Variants in NCAM1 observed in about 807,000 individuals in gnomAD.
The protein encoded by NCAM1 is neural cell adhesion molecule 1.
In NCAM1, 14 loss-of-function variants were observed where a neutral mutation model predicts 109.8. The observed-to-expected ratio is 0.13, with a 90% CI of 0.08 to 0.20. The LOEUF (loss-of-function observed/expected upper bound fraction) is 0.20. Ranked by LOEUF, NCAM1 falls within the 10% of genes least tolerant of loss-of-function variation. NCAM1 has a pLI of 1.00. For synonymous variants in NCAM1, 418 were observed against 442.9 expected (o/e 0.94, Z 0.70); for missense variants, 774 against 1,109.9 (o/e 0.70, Z 4.30).
intron 15 of NCAM1, among the ~76,000 whole-genome samples, chr11:113,253,530 C>G (rs1437821869): frequency 6.6e-6 from 1 of 152,128 alleles, no homozygotes; most frequent in African/African-American, 2.4e-5. Context: ...TGGAATGAAA[C>G]TTGATCGAGG....
At chr11:113,215,440 T>C (rs1236564308) in intron 8 of NCAM1, among the ~76,000 whole-genome samples, 1 of 152,212 alleles carries the variant, frequency 6.6e-6, no homozygotes, top group African/African-American at 2.4e-5. Flanking sequence ...AATGGATTGC[T>C]TATTGATCAG....
chr11:113,179,513 C>T (rs1213052463), intron 1 of NCAM1, among the ~76,000 whole-genome samples: 2 of 152,222 alleles, frequency 1.3e-5, no homozygotes, highest in Non-Finnish European at 2.9e-5. Flanking sequence ...AAGCTGGCTG[C>T]TTCCAGAGGC....
chr11:113,179,332 T>C (rs1290252992), intron 1 of NCAM1, among the ~76,000 whole-genome samples: 1 of 152,268 alleles, frequency 6.6e-6, no homozygotes, highest in Non-Finnish European at 1.5e-5. Context: ...CCTTTTGCTA[T>C]GGAGCAAAAT....
At chr11:113,264,783 A>G (rs1946099769) in intron 17 of NCAM1, 8 of 985,454 alleles carry the variant, frequency 8.1e-6, no homozygotes, top group Non-Finnish European at 9.6e-6. Flanking sequence ...GCCTCAGCTG[A>G]AACAATGTCA....
intron 8 of NCAM1, among the ~76,000 whole-genome samples, chr11:113,215,132 G>A (rs1299450971): frequency 6.6e-6 from 1 of 152,072 alleles, no homozygotes; most frequent in East Asian, 1.9e-4. Flanking sequence ...AACCTTCCTG[G>A]CAAATTAAAA....
intron 1 of NCAM1, among the ~76,000 whole-genome samples, chr11:113,085,474 A>G (rs1451038986): frequency 1.3e-5 from 2 of 152,218 alleles, no homozygotes; most frequent in Non-Finnish European, 2.9e-5. Context: ...TATAGACAAC[A>G]TGATTGTTCT....
At chr11:112,972,241 C>T (rs1343277639) in intron 1 of NCAM1, among the ~76,000 whole-genome samples, 2 of 152,016 alleles carry the variant, frequency 1.3e-5, no homozygotes, top group African/African-American at 4.8e-5. Context: ...GGAGGAATCC[C>T]AGTTAAAGAG....
intron 1 of NCAM1, among the ~76,000 whole-genome samples, chr11:113,099,804 T>G (rs1183276322): frequency 6.6e-6 from 1 of 152,196 alleles, no homozygotes; most frequent in Non-Finnish European, 1.5e-5. Flanking sequence ...TTCTCCTGCC[T>G]CAGCCTCCCA....
chr11:113,047,730 G>A (rs1000122924), intron 1 of NCAM1, among the ~76,000 whole-genome samples: 1 of 152,176 alleles, frequency 6.6e-6, no homozygotes, highest in Non-Finnish European at 1.5e-5. Flanking sequence ...TATCATGGTG[G>A]AAGGGAAGCA....
intron 1 of NCAM1, among the ~76,000 whole-genome samples, chr11:113,117,912 G>A (rs1161789597): frequency 1.3e-5 from 2 of 151,904 alleles, no homozygotes; most frequent in Non-Finnish European, 2.9e-5. Flanking sequence ...ATTACAAACT[G>A]GCATCTCAGG....
rs1245117 is a variant in NCAM1 at position 113,104,840 on chromosome 11, T to G, written c.53-97539T>G. ...CACTTCAGATACTTCGAAAATGCCTTTGATATTTAATCAACATAAAAACAA... is the reference window on the plus strand; with the variant it reads ...CACTTCAGATACTTCGAAAATGCCTGTGATATTTAATCAACATAAAAACAA... On this transcript the variant is annotated intron_variant, in intron 1 of 19. Transcript: ENST00000316851. Among the ~76,000 whole-genome samples, 402 of 152,358 alleles carry G rather than the reference T, an allele frequency of 2.6e-3. 2 individuals carry two copies. Among genetic ancestry groups the G allele is most frequent in the African/African-American group, 9.2e-3 (382 of 41,588 alleles).
At chr11:112,992,068 A>G (rs1485772112) in intron 1 of NCAM1, among the ~76,000 whole-genome samples, 1 of 152,194 alleles carries the variant, frequency 6.6e-6, no homozygotes, top group Non-Finnish European at 1.5e-5. Context: ...GAAGCCATGG[A>G]GAAAACGGGA....
chr11:113,073,693 TA>T (rs2135589214), intron 1 of NCAM1, among the ~76,000 whole-genome samples: 1 of 152,364 alleles, frequency 6.6e-6, no homozygotes, highest in African/African-American at 2.4e-5. Context: ...AAAAACCTTT[TA>T]CAAAACCTTT....
chr11:113,188,744 C>G (rs74912479), intron 1 of NCAM1, among the ~76,000 whole-genome samples: 3,971 of 152,230 alleles, frequency 0.026, 167 homozygotes, highest in African/African-American at 0.09. Flanking sequence ...TTGACACAAA[C>G]CAGTGACTTT....
chr11:113,165,408 G>A (rs1371664463), intron 1 of NCAM1, among the ~76,000 whole-genome samples: 1 of 152,138 alleles, frequency 6.6e-6, no homozygotes, highest in African/African-American at 2.4e-5. Flanking sequence ...CACTTAGTCT[G>A]TTTTGATTCA....
chr11:113,270,815 A>T (rs1946250722), intron 18 of NCAM1, among the ~76,000 whole-genome samples: 1 of 152,188 alleles, frequency 6.6e-6, no homozygotes, highest in African/African-American at 2.4e-5. Context: ...TGCTGCAGGC[A>T]AGGCACTGTT....
At chr11:113,148,398 A>G (rs1364758950) in intron 1 of NCAM1, among the ~76,000 whole-genome samples, 1 of 107,888 alleles carries the variant, frequency 9.3e-6, no homozygotes, top group Non-Finnish European at 1.9e-5. Context: ...TTTTCTTTTT[A>G]AGTTAACTAG....
At chr11:113,153,753 G>C (rs958314478) in intron 1 of NCAM1, among the ~76,000 whole-genome samples, 1 of 152,176 alleles carries the variant, frequency 6.6e-6, no homozygotes. Context: ...GTAATGGAAG[G>C]AAAAGGATCA....
chr11:113,175,206 G>A (rs565169902), intron 1 of NCAM1, among the ~76,000 whole-genome samples: 2 of 152,216 alleles, frequency 1.3e-5, no homozygotes, highest in African/African-American at 4.8e-5. Flanking sequence ...AATGCAACAC[G>A]AGGAGTTGAT....
Sources: gnomAD v4.1 joint callset for allele counts (sites outside exome capture counted in the v4.1 genomes callset) on GRCh38, gnomAD v4.1.1 for gene constraint, MANE v1.5 for transcripts, NCBI Gene and HGNC (gene_info 2026-07-23, HGNC 2026-07-21) for gene names.